Variants in ATP13A4 observed in about 807,000 individuals in gnomAD.
ATP13A4 encodes the protein ATPase 13A4.
Under a neutral mutation model 142.5 loss-of-function variants are expected in ATP13A4, and 114 were observed. The ratio of observed to expected loss-of-function variants is 0.80; its 90% CI spans 0.69 to 0.93. The LOEUF is 0.93. Among genes scored for constraint, ATP13A4 ranks in the 40% least tolerant of loss-of-function variants. The pLI, the probability that ATP13A4 is intolerant of heterozygous loss-of-function variation, is 0.00. For missense variants in ATP13A4, 1,392 were observed against 1,454.0 expected, an observed-to-expected ratio of 0.96 and a Z score of 0.69; for synonymous variants, 488 against 514.8, an observed-to-expected ratio of 0.95 and a Z score of 0.70.
intron 3 of ATP13A4, among the ~76,000 whole-genome samples, chr3:193,495,612 C>T (rs566122610): frequency 6.6e-6 from 1 of 152,162 alleles, no homozygotes; most frequent in Admixed American, 6.5e-5. Flanking sequence ...TGCAAATCAA[C>T]AGCTAATATC....
rs577287898 is a variant in ATP13A4, at chr3:193,501,518, G to A, written c.381+975C>T. On this transcript the variant is annotated intron_variant, in intron 3 of 29. Transcript: ENST00000342695. ...CAGGAGAATTGCTTGAACCCGGGAG[G>A]TGGAGGTTGCAGTGAGCCAAGACAG... Among the ~76,000 whole-genome samples, 271 of 151,344 alleles carry A rather than the reference G, an allele frequency of 1.8e-3. 1 individual carries two copies. The highest frequency in any genetic ancestry group is 6.4e-3 in the African/African-American group (265 of 41,202).
chr3:193,496,034 A>G (rs141830613), intron 3 of ATP13A4, among the ~76,000 whole-genome samples: 1 of 152,350 alleles, frequency 6.6e-6, no homozygotes, highest in African/African-American at 2.4e-5. Flanking sequence ...AAATCTCTAC[A>G]CTGAAATCTA....
intron 1 of ATP13A4, among the ~76,000 whole-genome samples, chr3:193,523,870 C>G (rs557769124): frequency 6.6e-6 from 1 of 152,236 alleles, no homozygotes; most frequent in East Asian, 1.9e-4. Flanking sequence ...GATGAATGCC[C>G]TCTCAGAGGG....
rs71177402 is a variant in ATP13A4 at position 193,399,845 on chromosome 3, CAAAAA to C, written c.*2802_*2806del. Among the ~76,000 whole-genome samples the C allele has an allele frequency of 1.4e-5, 1 of 72,706 alleles. No homozygotes were observed. The highest frequency in any genetic ancestry group is 2.4e-5 in the Non-Finnish European group (1 of 42,194). The allele number at this position is 72,706 out of a possible 152,430, so 47.7% of individuals were successfully genotyped here. A position where few individuals can be genotyped will look rare whatever the true frequency, so the allele number is the denominator to read the frequency against. The stretch of plus-strand genomic sequence containing the variant: ...TGGGCAACAGAGTGAGACTCCATCT[CAAAAA>C]AAAAAAAAAAAAAAAAAGGTTCACA... On this transcript the variant is annotated 3_prime_UTR_variant, in exon 30 of 30. Transcript: ENST00000342695.
At chr3:193,526,407 A>G (rs984062199) in intron 1 of ATP13A4, among the ~76,000 whole-genome samples, 1 of 152,144 alleles carries the variant, frequency 6.6e-6, no homozygotes, top group African/African-American at 2.4e-5. Context: ...ATGAGAACAC[A>G]TGCACACAGG....
At position 193,582,696 on chromosome 3, in the gene ATP13A4, AACATATATAATATATATGTATATT is replaced by A. The variant is rs1724584414; in HGVS notation, n.92-814_92-791del. On this transcript the variant is annotated intron_variant and non_coding_transcript_variant, in intron 1 of 3. Transcript: ENST00000489140. ...TTACATATATATTATATATGTGTAT[AACATATATAATATATATGTATATT>A]ACATATATAAAATATATATGTATAA... Among the ~76,000 whole-genome samples the A allele has an allele frequency of 1.3e-4, 7 of 53,226 alleles. 1 individual carries two copies. The highest frequency in any genetic ancestry group is 8.1e-4 in the East Asian group (2 of 2,484). 34.9% of individuals were successfully genotyped at this position (53,226 alleles called of 152,430 possible). A position where few individuals can be genotyped will look rare whatever the true frequency, so the allele number is the denominator to read the frequency against.
intron 18 of ATP13A4, among the ~76,000 whole-genome samples, chr3:193,445,121 C>T (rs953724087): frequency 6.6e-6 from 1 of 152,160 alleles, no homozygotes; most frequent in Admixed American, 6.6e-5. Context: ...CTGCCGGAGA[C>T]AGATGAAACC....
At chr3:193,435,795 GGTCA>G in intron 23 of ATP13A4, 51 bp from the exon 24 acceptor site, 1 of 1,469,368 alleles carries the variant, frequency 6.8e-7, no homozygotes, top group East Asian at 2.3e-5. Context: ...AAAGACATAA[GGTCA>G]GTCATTCTGT....
At chr3:193,497,722 G>A (rs1266585754) in intron 3 of ATP13A4, among the ~76,000 whole-genome samples, 6 of 151,918 alleles carry the variant, frequency 3.9e-5, no homozygotes, top group Non-Finnish European at 1.5e-5. Context: ...TTTTCTTTGT[G>A]GAATGTTATT....
At chr3:193,467,086 T>C (rs981216873) in intron 10 of ATP13A4, among the ~76,000 whole-genome samples, 4 of 152,118 alleles carry the variant, frequency 2.6e-5, no homozygotes, top group East Asian at 1.9e-4. Context: ...CTTGAGGGAA[T>C]AGATACCCCC....
intron 28 of ATP13A4, 51 bp from the exon 29 acceptor site, chr3:193,407,444 A>G: frequency 4.3e-6 from 6 of 1,390,146 alleles, no homozygotes; most frequent in Non-Finnish European, 6.1e-6. Flanking sequence ...CAGATGCTGG[A>G]AACATGCTCA....
Position 193,465,078 on chromosome 3 carries a change from C to T in ATP13A4, c.1323G>A (p.Ala441=), listed in dbSNP as rs759614179. ...VRKALDVITI[A]VPPALPAALT... ...GAGCAGCAGGTAGAGCCGGAGGAAC[C>T]GCAATTGTGATGACGTCAAGGGCTT... Residue 441 remains alanine, a synonymous_variant, in exon 12 of 30, where the codon GCG becomes GCA. Transcript: ENST00000342695. 39 of 1,613,946 alleles carry T rather than the reference C, an allele frequency of 2.4e-5. No individual in the cohort carries two copies. Among genetic ancestry groups the T allele is most frequent in the African/African-American group, 8.0e-5 (6 of 74,914 alleles).
chr3:193,516,421 T>C (rs2108686573), intron 1 of ATP13A4, among the ~76,000 whole-genome samples: 1 of 152,336 alleles, frequency 6.6e-6, no homozygotes, highest in East Asian at 1.9e-4. Context: ...AAGTAGAATG[T>C]AGATTCTGAC....
chr3:193,418,615 G>A (rs1375572635), intron 25 of ATP13A4, among the ~76,000 whole-genome samples: 1 of 149,520 alleles, frequency 6.7e-6, no homozygotes, highest in Non-Finnish European at 1.5e-5. Flanking sequence ...TCTCCTTGTG[G>A]GGAAAAGGTA....
chr3:193,563,789 A>G (rs1270790508), intron 2 of ATP13A4, among the ~76,000 whole-genome samples: 1 of 152,198 alleles, frequency 6.6e-6, no homozygotes, highest in African/African-American at 2.4e-5. Flanking sequence ...TTAATTATTT[A>G]TCATCTGAAC....
rs116128694 is a variant in ATP13A4 at position 193,414,592 on chromosome 3, C to T, written c.3001G>A (p.Val1001Met). 1,391 of 1,613,878 alleles carry T rather than the reference C, an allele frequency of 8.6e-4. 5 individuals are homozygous for T. The African/African-American group carries it at 0.015, about 17-fold the overall frequency. The change falls in exon 26 of 30, where the codon GTG becomes ATG. Residue 1001 changes from valine (V) to methionine (M), a missense_variant. Val to Met is a conservative substitution (Grantham distance 21). Transcript: ENST00000342695. ...ILVQRQPWYS[V>M]EIHSACTVQN... ...CTATACTCATACCTGTGTATCTCCA[C>T]GGAATACCAAGGCTGCCTCTGAACC... is the stretch of plus-strand genomic sequence containing the variant.
chr3:193,412,358 G>C lies in ATP13A4; in HGVS notation c.3028C>G (p.Gln1010Glu). 2 of 1,614,036 alleles carry C rather than the reference G, an allele frequency of 1.2e-6. No homozygotes were observed. Among genetic ancestry groups the C allele is most frequent in the Non-Finnish European group, 1.7e-6 (2 of 1,179,968 alleles). ...SVEIHSACTV[Q>E]NESISELTMS... ...GTTAACTCTGAGATGCTTTCATTTT[G>C]TACTGTGCAGGCACTAAAAGGGAAA... The change falls in exon 27 of 30, where the codon CAA (glutamine) becomes GAA (glutamate). Residue 1010 changes from glutamine (Q) to glutamate (E), a missense_variant. Coordinates refer to ENST00000342695, the MANE Select transcript of ATP13A4 (RefSeq NM_032279.4).
chr3:193,493,019 G>T, intron 4 of ATP13A4, 22 bp from the exon 5 acceptor site: 3 of 1,602,282 alleles, frequency 1.9e-6, no homozygotes, highest in African/African-American at 2.7e-5. Context: ...ATAATGAAAA[G>T]AACATATTTA....
At chr3:193,432,222 C>G (rs186377675) in intron 25 of ATP13A4, among the ~76,000 whole-genome samples, 1 of 151,816 alleles carries the variant, frequency 6.6e-6, no homozygotes, top group Non-Finnish European at 1.5e-5. Flanking sequence ...CCACTACAAA[C>G]CTATTAGAAT....
Sources: gnomAD v4.1 joint callset for allele counts (sites outside exome capture counted in the v4.1 genomes callset) on GRCh38, gnomAD v4.1.1 for gene constraint, MANE v1.5 for transcripts, NCBI Gene and HGNC (gene_info 2026-07-23, HGNC 2026-07-21) for gene names.